EIF3L: variants seen among roughly 807,000 people sequenced by gnomAD.
EIF3L encodes eIEF associated protein HSPC021.
EIF3L carries 32 observed loss-of-function variants against 74.6 expected under a neutral mutation model. That is an observed-to-expected ratio of 0.43 (90% CI 0.32 to 0.58). The LOEUF is 0.58. Ranked by LOEUF, EIF3L falls within the 20% of genes least tolerant of loss-of-function variation. EIF3L has a pLI of 0.06. For missense variants in EIF3L, 474 were observed against 707.8 expected (o/e 0.67, Z 3.75); for synonymous variants, 256 against 254.4 (o/e 1.01, Z -0.06).
intron 12 of EIF3L, chr22:37,887,473 C>G (rs993949959): frequency 2.6e-5 from 4 of 152,164 alleles, no homozygotes; most frequent in African/African-American, 9.7e-5. Context: ...TGGTGCGCAC[C>G]TGTAATCCCA....
At chr22:37,851,172 G>C (rs1488363473) in intron 2 of EIF3L, 108 bp from the exon 3 acceptor site, 1 of 813,548 alleles carries the variant, frequency 1.2e-6, no homozygotes, top group African/African-American at 1.7e-5. Flanking sequence ...GTATTCAAAA[G>C]GGAATTTTAC....
chr22:37,858,775 T>C (rs1601758353), intron 5 of EIF3L, 35 bp downstream of exon 5: 1 of 1,576,448 alleles, frequency 6.3e-7, no homozygotes, highest in South Asian at 1.2e-5. Flanking sequence ...TTTTTTTGTT[T>C]TTGTTTTTTT....
Position 37,878,184 on chromosome 22 carries a change from C to T in EIF3L, c.1575+13C>T, listed in dbSNP as rs1318260364. ...CTACATTGATAAGGTATGCCTGTCC[C>T]CTGGGCTTGGGGTCTTGTATTAAGT... On this transcript the variant is annotated intron_variant, in intron 11 of 12. Coordinates refer to ENST00000652021, the MANE Select transcript of EIF3L (RefSeq NM_016091.4). The T allele has an allele frequency of 6.3e-7, 1 of 1,584,414 alleles. No homozygotes were observed. Among genetic ancestry groups the T allele is most frequent in the African/African-American group, 1.4e-5 (1 of 73,974 alleles).
At chr22:37,861,252 C>T (rs766998056) in intron 5 of EIF3L, among the ~76,000 whole-genome samples, 15 of 152,098 alleles carry the variant, frequency 9.9e-5, no homozygotes, top group Non-Finnish European at 2.1e-4. Flanking sequence ...TTGAGGACCG[C>T]TTGATATGGC....
At chr22:37,857,925 T>C (rs1925621545) in intron 4 of EIF3L, among the ~76,000 whole-genome samples, 1 of 152,092 alleles carries the variant, frequency 6.6e-6, no homozygotes, top group African/African-American at 2.4e-5. Flanking sequence ...ATTCTGGTAC[T>C]TTGGGAAGCT....
chr22:37,872,511 C>A (rs2145828448), intron 8 of EIF3L, among the ~76,000 whole-genome samples: 1 of 152,260 alleles, frequency 6.6e-6, no homozygotes, highest in South Asian at 2.1e-4. Flanking sequence ...TTTAAAAAGT[C>A]AGATTTGTTA....
At chr22:37,863,243 A>G in intron 6 of EIF3L, 29 bp from the exon 7 acceptor site, 1 of 1,588,912 alleles carries the variant, frequency 6.3e-7, no homozygotes, top group Non-Finnish European at 8.6e-7. Context: ...ATTGCTTTGA[A>G]TCTGACTTTT....
At chr22:37,886,893 A>G (rs2145848354) in intron 12 of EIF3L, 48 bp downstream of exon 12, 1 of 1,454,358 alleles carries the variant, frequency 6.9e-7, no homozygotes, top group East Asian at 2.3e-5. Context: ...GACAGAGCTT[A>G]GGAACTGAAT....
chr22:37,872,871 C>A (rs749200547), intron 8 of EIF3L, among the ~76,000 whole-genome samples: 2 of 152,100 alleles, frequency 1.3e-5, no homozygotes, highest in Non-Finnish European at 2.9e-5. Context: ...CATGTGTGAG[C>A]CACTGTGCCC....
intron 9 of EIF3L, among the ~76,000 whole-genome samples, chr22:37,874,815 G>A (rs768228403): frequency 1.6e-4 from 24 of 151,722 alleles, no homozygotes; most frequent in Non-Finnish European, 2.8e-4. Context: ...TGCAACCTCC[G>A]TCTCCTGGGT....
At chr22:37,855,149 T>G (rs1222171698) in intron 3 of EIF3L, among the ~76,000 whole-genome samples, 3 of 152,172 alleles carry the variant, frequency 2.0e-5, no homozygotes, top group Non-Finnish European at 4.4e-5. Flanking sequence ...TTGGATGCTG[T>G]AGGTCTGTTG....
At chr22:37,885,038 C>T (rs926820411) in intron 11 of EIF3L, 10 of 149,620 alleles carry the variant, frequency 6.7e-5, no homozygotes, top group Admixed American at 5.5e-4. Flanking sequence ...CCTATCTCAG[C>T]TTCTCAAGTA....
chr22:37,883,386 C>T (rs1927160718), intron 11 of EIF3L: 1 of 149,314 alleles, frequency 6.7e-6, no homozygotes, highest in African/African-American at 2.5e-5. Flanking sequence ...TCAAGACCAT[C>T]CTGGCTAACA....
At chr22:37,851,172 G>T in intron 2 of EIF3L, 108 bp from the exon 3 acceptor site, 1 of 813,666 alleles carries the variant, frequency 1.2e-6, no homozygotes. Context: ...GTATTCAAAA[G>T]GGAATTTTAC....
chr22:37,871,909 T>C (rs1368846570), intron 8 of EIF3L, among the ~76,000 whole-genome samples: 1 of 149,636 alleles, frequency 6.7e-6, no homozygotes, highest in Non-Finnish European at 1.5e-5. Flanking sequence ...TCATTAGGCA[T>C]ATGCAGATAT....
chr22:37,882,890 C>T (rs577234243), intron 11 of EIF3L: 1 of 151,928 alleles, frequency 6.6e-6, no homozygotes, highest in East Asian at 1.9e-4. Context: ...GTCCCAGCTA[C>T]TTGGGAGGCT....
At chr22:37,853,138 C>G (rs975424107) in intron 3 of EIF3L, among the ~76,000 whole-genome samples, 2 of 152,158 alleles carry the variant, frequency 1.3e-5, no homozygotes, top group Non-Finnish European at 2.9e-5. Context: ...CTGTACAGGT[C>G]TACAGCAGCC....
At chr22:37,852,311 A>C (rs1925271384) in intron 3 of EIF3L, among the ~76,000 whole-genome samples, 1 of 152,236 alleles carries the variant, frequency 6.6e-6, no homozygotes. Context: ...GAAACAGCAC[A>C]GAAATAAGTC....
At chr22:37,850,198 C>A in intron 2 of EIF3L, 135 bp downstream of exon 2, 1 of 903,634 alleles carries the variant, frequency 1.1e-6, no homozygotes, top group Non-Finnish European at 1.8e-6. Context: ...GCTGCCAGTG[C>A]GAGGGGTTTT....
Sources: gnomAD v4.1 joint callset for allele counts (sites outside exome capture counted in the v4.1 genomes callset) on GRCh38, gnomAD v4.1.1 for gene constraint, MANE v1.5 for transcripts, NCBI Gene and HGNC (gene_info 2026-07-23, HGNC 2026-07-21) for gene names.